Variants in PCDHGA11 observed in about 807,000 individuals in gnomAD.
The protein encoded by PCDHGA11 is protocadherin gamma-A11.
Under a neutral mutation model 60.4 loss-of-function variants are expected in PCDHGA11, and 39 were observed. The ratio of observed to expected loss-of-function variants is 0.65; its 90% CI spans 0.50 to 0.84. The LOEUF (loss-of-function observed/expected upper bound fraction) is 0.84. Among genes scored for constraint, PCDHGA11 ranks in the 40% least tolerant of loss-of-function variants. PCDHGA11 has a pLI of 0.00. For missense variants in PCDHGA11, 1,165 were observed against 1,197.7 expected, an observed-to-expected ratio of 0.97 and a Z score of 0.40; for synonymous variants, 533 against 510.3, an observed-to-expected ratio of 1.04 and a Z score of -0.60.
intron 1 of PCDHGA11, among the ~76,000 whole-genome samples, chr5:141,473,831 A>G (rs950283433): frequency 1.3e-5 from 2 of 152,252 alleles, no homozygotes; most frequent in African/African-American, 4.8e-5. Context: ...GTGTGATCCA[A>G]TTAAAATTTT....
At chr5:141,441,793 C>T (rs961624726) in intron 1 of PCDHGA11, 7 of 391,390 alleles carry the variant, frequency 1.8e-5, no homozygotes, top group Non-Finnish European at 3.6e-5. Flanking sequence ...AATGACAACG[C>T]ACCGCGGGTG....
At position 141,423,177 on chromosome 5, in the gene PCDHGA11, C is replaced by G. The variant is rs748689237; in HGVS notation, c.1950C>G (p.His650Gln). ...KQSLVVAVQD[H>Q]GQPPLSATVT... ...GCCTCGTGGTGGCCGTCCAGGACCACGGCCAGCCCCCTCTCTCGGCCACCG... is the reference window on the plus strand; with the variant it reads ...GCCTCGTGGTGGCCGTCCAGGACCAGGGCCAGCCCCCTCTCTCGGCCACCG... The change falls in exon 1 of 4, where the codon CAC becomes CAG. Residue 650 changes from histidine (H) to glutamine (Q), a missense_variant. Coordinates refer to ENST00000398587, the MANE Select transcript of PCDHGA11 (RefSeq NM_018914.3). 7 of 1,613,430 alleles carry G rather than the reference C, an allele frequency of 4.3e-6. No individual in the cohort carries two copies. Among genetic ancestry groups the G allele is most frequent in the Non-Finnish European group, 5.1e-6 (6 of 1,179,960 alleles).
chr5:141,500,986 A>G (rs1223940696), intron 2 of PCDHGA11, among the ~76,000 whole-genome samples: 1 of 151,656 alleles, frequency 6.6e-6, no homozygotes, highest in East Asian at 1.9e-4. Flanking sequence ...CTCCTGCCTC[A>G]GCCTCCTGAG....
intron 1 of PCDHGA11, chr5:141,475,997 G>T: frequency 8.4e-7 from 1 of 1,184,406 alleles, no homozygotes; most frequent in Non-Finnish European, 1.2e-6. Flanking sequence ...CAAATCAACG[G>T]CATCCAGAAA....
chr5:141,483,013 A>C (rs2154579792), intron 1 of PCDHGA11, among the ~76,000 whole-genome samples: 1 of 152,106 alleles, frequency 6.6e-6, no homozygotes, highest in Middle Eastern at 3.4e-3. Flanking sequence ...TGAACCCGGG[A>C]GGCAGAGGTT....
At position 141,431,159 on chromosome 5, in the gene PCDHGA11, C is replaced by T. The variant is rs1017606383; in HGVS notation, c.2433+7499C>T. Reference sequence around the variant, plus strand: ...CATTAACGACAATGCGCCTTACTTTCGTGAAAGTGAATTAGAAATAAAAAT... The same window carrying T: ...CATTAACGACAATGCGCCTTACTTTTGTGAAAGTGAATTAGAAATAAAAAT... On this transcript the variant is annotated intron_variant, in intron 1 of 3. Transcript: ENST00000398587. The surrounding 1 kb of genome is among the most constrained non-coding windows in gnomAD (Gnocchi z 4.8). 1 of 1,614,158 alleles carries T rather than the reference C, an allele frequency of 6.2e-7. No individual in the cohort carries two copies. The highest frequency in any genetic ancestry group is 1.3e-5 in the African/African-American group (1 of 75,046).
At chr5:141,479,986 C>T (rs2099510881) in intron 1 of PCDHGA11, among the ~76,000 whole-genome samples, 1 of 152,200 alleles carries the variant, frequency 6.6e-6, no homozygotes, top group Non-Finnish European at 1.5e-5. Flanking sequence ...CATTTACCAA[C>T]TAGGAGTCTG....
intron 1 of PCDHGA11, chr5:141,424,481 G>A (rs1397559058): frequency 6.6e-6 from 1 of 152,056 alleles, no homozygotes; most frequent in Non-Finnish European, 1.5e-5. Flanking sequence ...TTACTTTGGT[G>A]TCTGTGTTTG....
intron 1 of PCDHGA11, among the ~76,000 whole-genome samples, chr5:141,463,783 C>T (rs1395035313): frequency 1.3e-5 from 2 of 152,138 alleles, no homozygotes; most frequent in African/African-American, 4.8e-5. Flanking sequence ...CCTGCACTGT[C>T]TTTTGAACAA....
rs138463062 is a variant in PCDHGA11 at position 141,485,217 on chromosome 5, C to T, written c.2434-9590C>T. 7,893 of 1,614,092 alleles carry T rather than the reference C, an allele frequency of 4.9e-3. 42 individuals carry two copies. Among genetic ancestry groups the T allele is most frequent in the Admixed American group, 8.8e-3 (531 of 60,030 alleles). On this transcript the variant is annotated intron_variant, in intron 1 of 3. Coordinates refer to ENST00000398587, the MANE Select transcript of PCDHGA11 (RefSeq NM_018914.3). This position sits in a 1 kb window ranked among gnomAD's most constrained non-coding sequence, Gnocchi z 5.7. Reference sequence around the variant, plus strand: ...AGCTGGACAGAAATCTGGCGGTGGGCTACCCTTTTGTTCCTCTTTTACCAC... The same window carrying T: ...AGCTGGACAGAAATCTGGCGGTGGGTTACCCTTTTGTTCCTCTTTTACCAC...
At chr5:141,464,264 A>G (rs1357786078) in intron 1 of PCDHGA11, among the ~76,000 whole-genome samples, 2 of 130,598 alleles carry the variant, frequency 1.5e-5, no homozygotes, top group East Asian at 4.2e-4. Flanking sequence ...GACTCCGTCT[A>G]AAAAAAAAAA....
intron 3 of PCDHGA11, chr5:141,508,415 A>T (rs2099868684): frequency 6.6e-6 from 1 of 152,158 alleles, no homozygotes; most frequent in Non-Finnish European, 1.5e-5. Context: ...CCACGCAGAG[A>T]CTTGACCAAG....
chr5:141,422,819 TGA>T lies in PCDHGA11; in HGVS notation c.1596_1597del (p.Arg532SerfsTer5), dbSNP rs766395950. The T allele has an allele frequency of 1.9e-5, 31 of 1,614,068 alleles. No homozygotes were observed. Among genetic ancestry groups the T allele is most frequent in the Middle Eastern group, 1.6e-4 (1 of 6,084 alleles). ...TATGAGCAGTTTCGAGACTTAGAAC[TGA>T]GAGTGATAGCACGTGACAGCGGGGA... On this transcript the variant is annotated frameshift_variant, in exon 1 of 4. Transcript: ENST00000398587. LOFTEE classifies it high-confidence loss of function.
chr5:141,477,169 G>A lies in PCDHGA11; in HGVS notation c.2434-17638G>A. 6.2e-7 allele frequency: 1 copy of A among 1,614,198 alleles called. No individual in the cohort carries two copies. The highest frequency in any genetic ancestry group is 8.5e-7 in the Non-Finnish European group (1 of 1,180,042). The stretch of plus-strand genomic sequence containing the variant: ...TGGATGTGAATGACAACGCCCCGGA[G>A]ATCACAGTCACCTCCGTGTACAGCC... On this transcript the variant is annotated intron_variant, in intron 1 of 3. Transcript: ENST00000398587. The surrounding 1 kb of genome is among the most constrained non-coding windows in gnomAD (Gnocchi z 4.9).
At chr5:141,440,696 A>G (rs2098194818) in intron 1 of PCDHGA11, 1 of 152,210 alleles carries the variant, frequency 6.6e-6, no homozygotes, top group Non-Finnish European at 1.5e-5. Flanking sequence ...AAAGTGACCA[A>G]CAGTGGAAAG....
Position 141,476,996 on chromosome 5 carries a change from C to T in PCDHGA11, c.2434-17811C>T. The T allele has an allele frequency of 6.2e-7, 1 of 1,614,250 alleles. No homozygotes were observed. Among genetic ancestry groups the T allele is most frequent in the Non-Finnish European group, 8.5e-7 (1 of 1,180,052 alleles). On this transcript the variant is annotated intron_variant, in intron 1 of 3. Coordinates refer to ENST00000398587, the MANE Select transcript of PCDHGA11 (RefSeq NM_018914.3). The surrounding 1 kb of genome is among the most constrained non-coding windows in gnomAD (Gnocchi z 7.6). ...CCACAACCGCGCCGGCGTGCGGCAA[C>T]TATTCGCCTTAGACCTTGTAACCGG...
intron 1 of PCDHGA11, chr5:141,427,830 C>G (rs749612858): frequency 7.8e-6 from 12 of 1,538,206 alleles, no homozygotes; most frequent in Non-Finnish European, 1.1e-5. Context: ...GGTCGCGCAG[C>G]GTGCCTTCGA....
intron 2 of PCDHGA11, among the ~76,000 whole-genome samples, chr5:141,500,812 T>C: frequency 6.6e-6 from 1 of 152,322 alleles, no homozygotes; most frequent in South Asian, 2.1e-4. Flanking sequence ...CATATGAATA[T>C]ACATATTATT....
chr5:141,445,137 T>C (rs933188032), intron 1 of PCDHGA11, among the ~76,000 whole-genome samples: 9 of 152,248 alleles, frequency 5.9e-5, no homozygotes, highest in Admixed American at 3.3e-4. Context: ...AAATTGTATC[T>C]TCTAATTGTT....
Sources: allele counts gnomAD v4.1 joint callset (sites outside exome capture counted in the v4.1 genomes callset), GRCh38; gene constraint gnomAD v4.1.1; non-coding constraint Gnocchi (gnomAD v3.1); transcripts MANE v1.5; gene names NCBI Gene and HGNC (gene_info 2026-07-23, HGNC 2026-07-21).